CCDC125: variants seen among roughly 807,000 people sequenced by gnomAD.
CCDC125 encodes coiled-coil domain containing 125, also known as coiled-coil domain-containing protein 125.
Under a neutral mutation model 57.4 loss-of-function variants are expected in CCDC125, and 43 were observed. That is an observed-to-expected ratio of 0.75 (90% CI 0.59 to 0.97). The LOEUF is 0.97. Among genes scored for constraint, CCDC125 ranks in the 50% least tolerant of loss-of-function variants. The pLI is 0.00. For missense variants in CCDC125, 563 were observed against 595.7 expected, an observed-to-expected ratio of 0.95 and a Z score of 0.57; for synonymous variants, 187 against 195.2, an observed-to-expected ratio of 0.96 and a Z score of 0.35.
downstream of CCDC125, among the ~76,000 whole-genome samples, chr5:69,279,023 A>G (rs1488570124): frequency 6.6e-6 from 1 of 151,898 alleles, no homozygotes; most frequent in Non-Finnish European, 1.5e-5. Context: ...GTGTACCACC[A>G]TGCCCAGCTA....
intron 10 of CCDC125, among the ~76,000 whole-genome samples, chr5:69,287,876 A>G (rs541363183): frequency 3.8e-4 from 57 of 151,716 alleles, no homozygotes; most frequent in Non-Finnish European, 7.9e-4. Context: ...GCCTATATCA[A>G]TTATTTAAAA....
intron 1 of CCDC125, among the ~76,000 whole-genome samples, chr5:69,326,994 C>T (rs946516897): frequency 3.3e-5 from 5 of 152,066 alleles, no homozygotes; most frequent in South Asian, 2.1e-4. Flanking sequence ...GCTGTGATCA[C>T]GCCACTGCAC....
chr5:69,325,325 CAAA>C (rs10689123), intron 1 of CCDC125, among the ~76,000 whole-genome samples: 9 of 107,928 alleles, frequency 8.3e-5, no homozygotes, highest in Admixed American at 1.1e-4. Context: ...GATTCTGTCT[CAAA>C]AAAAAAAAAA....
chr5:69,299,715 T>C (rs1322516785), intron 8 of CCDC125, among the ~76,000 whole-genome samples: 1 of 152,192 alleles, frequency 6.6e-6, no homozygotes, highest in Non-Finnish European at 1.5e-5. Context: ...ACTCAAACGG[T>C]AAGCCCCGAC....
At chr5:69,301,912 A>ATAATAC (rs1756520852) in intron 7 of CCDC125, among the ~76,000 whole-genome samples, 1 of 149,632 alleles carries the variant, frequency 6.7e-6, no homozygotes, top group South Asian at 2.1e-4. Flanking sequence ...AATAATAATA[A>ATAATAC]TAATAATAAT....
In CCDC125 at chr5:69,294,868, C is replaced by T; in HGVS notation, c.849G>A (p.Gly283=). 6.2e-7 allele frequency: 1 copy of T among 1,614,082 alleles called. No homozygotes were observed. The highest frequency in any genetic ancestry group is 8.5e-7 in the Non-Finnish European group (1 of 1,179,996). Residue 283 remains glycine, a synonymous_variant, in exon 9 of 12, where the codon GGG becomes GGA. Coordinates refer to ENST00000396496, the MANE Select transcript of CCDC125 (RefSeq NM_176816.5). ...CACAAGAACAGGGGTTCCCTCCGGG[C>T]CCATGACAAAGGCAGGCTCCGAGGA... ...LAVLGACLCH[G]PGGNPCSCAR...
chr5:69,321,978 A>G lies in CCDC125; in HGVS notation c.-40-1398T>C, dbSNP rs184781476. On this transcript the variant is annotated intron_variant, in intron 1 of 11. Coordinates refer to ENST00000396496, the MANE Select transcript of CCDC125 (RefSeq NM_176816.5). ...CAGCCTCCCAAGTAGCTGGGATTACAACCATGCGCCACCATGCCCGGCTAA... is the reference window on the plus strand; with the variant it reads ...CAGCCTCCCAAGTAGCTGGGATTACGACCATGCGCCACCATGCCCGGCTAA... Among the ~76,000 whole-genome samples the G allele has an allele frequency of 4.0e-3, 611 of 152,070 alleles. 3 individuals are homozygous for G. The highest frequency in any genetic ancestry group is 0.027 in the Middle Eastern group (8 of 294).
At chr5:69,299,106 T>G (rs1170830677) in intron 8 of CCDC125, among the ~76,000 whole-genome samples, 1 of 126,296 alleles carries the variant, frequency 7.9e-6, no homozygotes, top group Non-Finnish European at 1.6e-5. Flanking sequence ...TTAAGTTCTT[T>G]CTTTCTTTTT....
Position 69,285,439 on chromosome 5 carries a change from G to A in CCDC125, c.1128C>T (p.Thr376=), listed in dbSNP as rs1753181006. 1 of 1,604,538 alleles carries A rather than the reference G, an allele frequency of 6.2e-7. No homozygotes were observed. The highest frequency in any genetic ancestry group is 8.5e-7 in the Non-Finnish European group (1 of 1,177,206). Residue 376 remains threonine, a synonymous_variant, in exon 11 of 12, where the codon ACC becomes ACT. Transcript: ENST00000396496. ...DGFPSPRSKK[T]FGQRLLGMLP... is the part of the protein sequence containing the mutation. ...GCATACCCAACAGTCTCTGCCCGAA[G>A]GTCTTCTTACTCCTTGGTGATGGAA...
chr5:69,280,379 G>C lies in CCDC125; in HGVS notation c.*2350C>G, dbSNP rs1427421069. ...AATTTAAGATGCTACTGAGACATGT[G>C]GTGTATGAACAAGCATTAACAGCTA... On this transcript the variant is annotated 3_prime_UTR_variant, in exon 12 of 12. Coordinates refer to ENST00000396496, the MANE Select transcript of CCDC125 (RefSeq NM_176816.5). 1 of 152,152 alleles carries C rather than the reference G, an allele frequency of 6.6e-6. No homozygotes were observed. Among genetic ancestry groups the C allele is most frequent in the Non-Finnish European group, 1.5e-5 (1 of 68,026 alleles). The allele number at this position is 152,152 out of a possible 1,614,324, so 9.4% of individuals were successfully genotyped here. A position where few individuals can be genotyped will look rare whatever the true frequency, so the allele number is the denominator to read the frequency against.
chr5:69,282,601 T>C lies in CCDC125; in HGVS notation c.*128A>G, dbSNP rs4421064. On this transcript the variant is annotated 3_prime_UTR_variant, in exon 12 of 12. Coordinates refer to ENST00000396496, the MANE Select transcript of CCDC125 (RefSeq NM_176816.5). ...AAATGTAGAAAATATTTGATTTAAGTGACCTCCTAAAATTTAGAAATACCT... is the reference window on the plus strand; with the variant it reads ...AAATGTAGAAAATATTTGATTTAAGCGACCTCCTAAAATTTAGAAATACCT... The C allele has an allele frequency of 0.59, 413,312 of 702,706 alleles. 123,513 individuals are homozygous for C. The highest frequency in any genetic ancestry group is 0.78 in the African/African-American group (42,848 of 54,788). The allele number at this position is 702,706 out of a possible 1,614,324, so 43.5% of individuals were successfully genotyped here. A position where few individuals can be genotyped will look rare whatever the true frequency, so the allele number is the denominator to read the frequency against.
chr5:69,311,282 T>C (rs1443491460), intron 3 of CCDC125, 78 bp from the exon 4 acceptor site: 38 of 848,496 alleles, frequency 4.5e-5, no homozygotes, highest in Non-Finnish European at 7.5e-6. Context: ...TAGTCTACAT[T>C]TACCCTTGGC....
intron 1 of CCDC125, among the ~76,000 whole-genome samples, chr5:69,330,020 T>C: frequency 6.6e-6 from 1 of 152,166 alleles, no homozygotes; most frequent in East Asian, 1.9e-4. Flanking sequence ...AGTGACTTCC[T>C]CATAGATAAA....
intron 6 of CCDC125, among the ~76,000 whole-genome samples, chr5:69,305,791 G>C (rs546082209): frequency 2.0e-5 from 3 of 152,198 alleles, no homozygotes; most frequent in Admixed American, 2.0e-4. Flanking sequence ...GGTGCTAAAA[G>C]CTCAGGACCC....
rs779117635 is a variant in CCDC125, at chr5:69,311,122, C to A, written c.449G>T (p.Ser150Ile). 2 of 1,596,452 alleles carry A rather than the reference C, an allele frequency of 1.3e-6. No homozygotes were observed. ...AGTTTAAAAACAACTTCTTACCATGCTTTGAAGAATTTTCAATGCTTCCTC... is the reference window on the plus strand; with the variant it reads ...AGTTTAAAAACAACTTCTTACCATGATTTGAAGAATTTTCAATGCTTCCTC... ...GKEEALKILQSMAILGKATSH... is the reference protein window; with the variant it reads ...GKEEALKILQIMAILGKATSH... The change falls in exon 4 of 12, where the codon AGC (serine) becomes ATC (isoleucine). Residue 150 changes from serine (S) to isoleucine (I), a missense_variant. By Grantham distance (142) the Ser-to-Ile change is moderately radical (BLOSUM62 -2). Coordinates refer to ENST00000396496, the MANE Select transcript of CCDC125 (RefSeq NM_176816.5).
At chr5:69,293,527 GTAATCCCAGC>G (rs1754830009) in intron 9 of CCDC125, among the ~76,000 whole-genome samples, 1 of 151,622 alleles carries the variant, frequency 6.6e-6, no homozygotes, top group Admixed American at 6.6e-5. Context: ...GCAGGCGCCT[GTAATCCCAGC>G]TACTCAGGAG....
chr5:69,291,288 G>T (rs1240564708), intron 10 of CCDC125, among the ~76,000 whole-genome samples: 2 of 151,842 alleles, frequency 1.3e-5, no homozygotes, highest in African/African-American at 4.8e-5. Flanking sequence ...TGTTCATACT[G>T]GAAGATCTAC....
intron 6 of CCDC125, among the ~76,000 whole-genome samples, chr5:69,304,990 C>A (rs745511516): frequency 7.3e-5 from 11 of 151,258 alleles, no homozygotes; most frequent in Non-Finnish European, 1.2e-4. Flanking sequence ...TATGGGAAAT[C>A]TCCGTACCTT....
intron 7 of CCDC125, among the ~76,000 whole-genome samples, chr5:69,301,253 G>A (rs548802437): frequency 6.6e-5 from 10 of 152,108 alleles, no homozygotes; most frequent in African/African-American, 2.4e-4. Flanking sequence ...GGCCATTACG[G>A]GCATGAGCAA....
Sources: allele counts gnomAD v4.1 joint callset (sites outside exome capture counted in the v4.1 genomes callset), GRCh38; gene constraint gnomAD v4.1.1; transcripts MANE v1.5; gene names NCBI Gene and HGNC (gene_info 2026-07-23, HGNC 2026-07-21).